Variants in COBLL1 observed in about 807,000 individuals in gnomAD.
COBLL1 encodes cordon-bleu WH2 repeat protein like 1.
Under a neutral mutation model 94.8 loss-of-function variants are expected in COBLL1, and 50 were observed. The ratio of observed to expected loss-of-function variants is 0.53; its 90% confidence interval spans 0.42 to 0.67. The LOEUF (loss-of-function observed/expected upper bound fraction) is 0.67, where lower values mean the gene tolerates loss of function less well. Ranked by LOEUF, COBLL1 falls within the 30% of genes least tolerant of loss-of-function variation. The pLI, the probability that COBLL1 is intolerant of heterozygous loss-of-function variation, is 0.00. For missense variants in COBLL1, 1,362 were observed against 1,348.7 expected (o/e 1.01, Z -0.15); for synonymous variants, 448 against 473.8 (o/e 0.95, Z 0.71).
At position 164,694,508 on chromosome 2, in the gene COBLL1, G is replaced by T; in HGVS notation, c.2884C>A (p.Gln962Lys). 6.2e-7 allele frequency: 1 copy of T among 1,614,008 alleles called. No homozygotes were observed. Among genetic ancestry groups the T allele is most frequent in the Non-Finnish European group, 8.5e-7 (1 of 1,179,934 alleles). ...GTCTTCAGATTTTGTGTGGATACCT[G>T]ACTAGCAGGAATTGTCACAGGTTTT... Reference protein sequence around the residue: ...APKPVTIPASQVSTQNLKTLK... With the variant: ...APKPVTIPASKVSTQNLKTLK... The change falls in exon 12 of 14, where the codon CAG (glutamine) becomes AAG (lysine). Residue 962 changes from glutamine (Q) to lysine (K), a missense_variant. Transcript: ENST00000652658.
chr2:164,797,875 T>C (rs1559025975), intron 2 of COBLL1, among the ~76,000 whole-genome samples: 1 of 152,216 alleles, frequency 6.6e-6, no homozygotes, highest in Non-Finnish European at 1.5e-5. Flanking sequence ...TGTTACTAAA[T>C]ATCTTCCGTT....
rs1683133464 is a variant in COBLL1, at chr2:164,683,389, G to C, written c.*2557C>G. ...CACAAATTTCTTTCCCCATTGACAG[G>C]ATAGCACATGTTCTCCTAAAATGGT... On this transcript the variant is annotated 3_prime_UTR_variant, in exon 14 of 14. Coordinates refer to ENST00000652658, the MANE Select transcript of COBLL1 (RefSeq NM_001365672.2). 6.6e-6 allele frequency: 1 copy of C among 152,020 alleles called. No homozygotes were observed. The highest frequency in any genetic ancestry group is 2.1e-4 in the South Asian group (1 of 4,824). The allele number at this position is 152,020 out of a possible 1,614,324, so 9.4% of individuals were successfully genotyped here.
intron 7 of COBLL1, among the ~76,000 whole-genome samples, chr2:164,715,912 G>A (rs1395923860): frequency 3.3e-5 from 5 of 152,076 alleles, no homozygotes; most frequent in Admixed American, 2.0e-4. Context: ...GATTGCTGTT[G>A]TATATCCATC....
intron 2 of COBLL1, among the ~76,000 whole-genome samples, chr2:164,764,943 A>G (rs1687862970): frequency 6.6e-6 from 1 of 152,236 alleles, no homozygotes; most frequent in African/African-American, 2.4e-5. Flanking sequence ...ATACAGAAAT[A>G]TAACATTTGA....
chr2:164,742,839 A>AAC (rs373077306), intron 3 of COBLL1, among the ~76,000 whole-genome samples: 19 of 151,440 alleles, frequency 1.3e-4, no homozygotes, highest in Non-Finnish European at 1.8e-4. Flanking sequence ...CCTTATACAC[A>AAC]ACACACACAC....
chr2:164,839,957 T>C (rs904432544), intron 2 of COBLL1, among the ~76,000 whole-genome samples: 17 of 152,228 alleles, frequency 1.1e-4, no homozygotes, highest in African/African-American at 3.9e-4. Context: ...ACACTACATG[T>C]TTCCTCTATG....
chr2:164,760,505 T>C lies in COBLL1; in HGVS notation c.42-16630A>G, dbSNP rs142368697. ...AATCTACACATGTGGCAAAGTTTCA[T>C]AGAACTATAAACCTAAATCAACAAA... On this transcript the variant is annotated intron_variant, in intron 2 of 13. Transcript: ENST00000652658. Among the ~76,000 whole-genome samples the C allele has an allele frequency of 2.6e-5, 4 of 152,316 alleles. No individual in the cohort carries two copies. In the East Asian group the frequency reaches 5.8e-4, roughly 22 times the overall value.
chr2:164,727,610 G>A (rs1292621307), intron 5 of COBLL1, among the ~76,000 whole-genome samples: 1 of 148,302 alleles, frequency 6.7e-6, no homozygotes, highest in Non-Finnish European at 1.5e-5. Context: ...CACTTGATTA[G>A]AATAACAATG....
At chr2:164,757,197 A>C (rs1354973463) in intron 2 of COBLL1, among the ~76,000 whole-genome samples, 1 of 152,200 alleles carries the variant, frequency 6.6e-6, no homozygotes, top group Non-Finnish European at 1.5e-5. Flanking sequence ...AGTTAGACTT[A>C]ATGATATACC....
At chr2:164,749,863 A>G (rs1687042534) in intron 2 of COBLL1, among the ~76,000 whole-genome samples, 1 of 151,966 alleles carries the variant, frequency 6.6e-6, no homozygotes, top group East Asian at 1.9e-4. Context: ...TGTCTGTCTC[A>G]TCTTGGTCAC....
intron 2 of COBLL1, among the ~76,000 whole-genome samples, chr2:164,796,350 T>C (rs1315561555): frequency 6.6e-6 from 1 of 152,074 alleles, no homozygotes; most frequent in African/African-American, 2.4e-5. Context: ...AGAATGGACA[T>C]AACTAAGATG....
chr2:164,776,404 T>C (rs950393873), intron 2 of COBLL1, among the ~76,000 whole-genome samples: 9 of 152,074 alleles, frequency 5.9e-5, no homozygotes, highest in Non-Finnish European at 8.8e-5. Flanking sequence ...CCCCCCGTCT[T>C]AGAGGCTTTG....
chr2:164,687,475 T>C lies in COBLL1; in HGVS notation c.3301-1443A>G. 3 of 1,450,562 alleles carry C rather than the reference T, an allele frequency of 2.1e-6. No homozygotes were observed. In the South Asian group the frequency reaches 3.4e-5, roughly 17 times the overall value. The allele number at this position is 1,450,562 out of a possible 1,614,324, so 89.9% of individuals were successfully genotyped here. On this transcript the variant is annotated intron_variant, in intron 13 of 13. Transcript: ENST00000652658. ...CTTGAACTTGGCCCTGTGCAGGGCCTCAATCACATGCTCCTTGTTCTGCAG... is the reference window on the plus strand; with the variant it reads ...CTTGAACTTGGCCCTGTGCAGGGCCCCAATCACATGCTCCTTGTTCTGCAG...
In COBLL1 at chr2:164,746,645, G is replaced by A. The variant is rs568988618; in HGVS notation, c.42-2770C>T. Among the ~76,000 whole-genome samples, 5 of 151,954 alleles carry A rather than the reference G, an allele frequency of 3.3e-5. No individual in the cohort carries two copies. In the South Asian group the frequency reaches 8.3e-4, roughly 25 times the overall value. On this transcript the variant is annotated intron_variant, in intron 2 of 13. Transcript: ENST00000652658. ...ATCCAGATGTCCCTCAATTTATGACGAGGTTACATTCTGACAAACCCACAA... is the reference window on the plus strand; with the variant it reads ...ATCCAGATGTCCCTCAATTTATGACAAGGTTACATTCTGACAAACCCACAA...
intron 2 of COBLL1, among the ~76,000 whole-genome samples, chr2:164,661,538 T>G (rs1691070110): frequency 6.6e-6 from 1 of 152,126 alleles, no homozygotes; most frequent in South Asian, 2.1e-4. Flanking sequence ...CCACATAAAT[T>G]AAACATGATG....
At chr2:164,838,932 A>G (rs1683452411) in intron 2 of COBLL1, among the ~76,000 whole-genome samples, 1 of 152,086 alleles carries the variant, frequency 6.6e-6, no homozygotes, top group Admixed American at 6.6e-5. Context: ...CCCAGTTTAA[A>G]CCTTTTATAA....
chr2:164,728,506 T>C (rs1685827798), intron 4 of COBLL1, among the ~76,000 whole-genome samples: 1 of 152,198 alleles, frequency 6.6e-6, no homozygotes, highest in South Asian at 2.1e-4. Flanking sequence ...TTCCTTAAAA[T>C]ATTTACTTTA....
At chr2:164,785,545 C>T (rs1458179597) in intron 2 of COBLL1, among the ~76,000 whole-genome samples, 1 of 152,064 alleles carries the variant, frequency 6.6e-6, no homozygotes, top group Non-Finnish European at 1.5e-5. Flanking sequence ...AAACAATAGG[C>T]AAAGCCCTTC....
chr2:164,708,367 T>C (rs1428229143), intron 7 of COBLL1, among the ~76,000 whole-genome samples: 1 of 152,002 alleles, frequency 6.6e-6, no homozygotes, highest in African/African-American at 2.4e-5. Context: ...GGCATGGGGG[T>C]GGATTCTCAA....
Sources: gnomAD v4.1 joint callset for allele counts (sites outside exome capture counted in the v4.1 genomes callset) on GRCh38, gnomAD v4.1.1 for gene constraint, MANE v1.5 for transcripts, NCBI Gene and HGNC (gene_info 2026-07-23, HGNC 2026-07-21) for gene names.